Variants in RFC5 observed in about 807,000 individuals in gnomAD.
RFC5 encodes A1 36 kDa subunit.
A neutral mutation model predicts 44.3 loss-of-function variants in RFC5; 26 were observed. The ratio of observed to expected loss-of-function variants is 0.59; its 90% CI spans 0.43 to 0.81. The LOEUF (loss-of-function observed/expected upper bound fraction) is 0.81, where lower values mean the gene tolerates loss of function less well. Among genes scored for constraint, RFC5 ranks in the 40% least tolerant of loss-of-function variants. The pLI is 0.00. For missense variants in RFC5, 328 were observed against 418.6 expected (o/e 0.78, Z 1.89); for synonymous variants, 155 against 155.2 (o/e 1.00, Z 0.01).
chr12:118,034,531 C>CTGA (rs2031454908), downstream of RFC5: 1 of 725,076 alleles, frequency 1.4e-6, no homozygotes, highest in Non-Finnish European at 2.1e-6. Flanking sequence ...ATTAAAGCTG[C>CTGA]TGATAGGATT....
chr12:118,040,924 C>T, the RFC5 span, among the ~76,000 whole-genome samples: 2 of 152,268 alleles, frequency 1.3e-5, no homozygotes, highest in Non-Finnish European at 2.9e-5. Flanking sequence ...TGGCTTACGC[C>T]TGTAGTCCCA....
chr12:118,031,341 C>A lies in RFC5; in HGVS notation c.*63C>A. 2 of 1,094,704 alleles carry A rather than the reference C, an allele frequency of 1.8e-6. No homozygotes were observed. Among genetic ancestry groups the A allele is most frequent in the Non-Finnish European group, 2.8e-6 (2 of 726,956 alleles). The allele number at this position is 1,094,704 out of a possible 1,614,324, so 67.8% of individuals were successfully genotyped here. A position where few individuals can be genotyped will look rare whatever the true frequency, so the allele number is the denominator to read the frequency against. On this transcript the variant is annotated 3_prime_UTR_variant, in exon 11 of 11. Coordinates refer to ENST00000454402, the MANE Select transcript of RFC5 (RefSeq NM_007370.7). ...AGTGATGGGAGAACAGAGGACAGTT[C>A]CAGGATAAACTGCTGCCTGGGGCTG...
chr12:118,037,121 G>A (rs1255287618), downstream of RFC5, among the ~76,000 whole-genome samples: 3 of 152,170 alleles, frequency 2.0e-5, no homozygotes, highest in African/African-American at 7.2e-5. Context: ...GGTGGAGGTT[G>A]CAGTGACCTG....
At chr12:118,027,908 T>C (rs751900454) in intron 8 of RFC5, 45 bp from the exon 9 acceptor site, 1 of 1,211,232 alleles carries the variant, frequency 8.3e-7, no homozygotes, top group East Asian at 2.3e-5. Flanking sequence ...CTCTGCAGTA[T>C]GTTTGTTCTG....
At chr12:118,035,155 G>A, downstream of RFC5, 5 of 1,611,964 alleles carry the variant, frequency 3.1e-6, no homozygotes, top group Non-Finnish European at 4.2e-6. Flanking sequence ...AGAGGGCCTT[G>A]CTGCCATTAC....
At chr12:118,036,621 A>G (rs1214578921), downstream of RFC5, 2 of 1,144,108 alleles carry the variant, frequency 1.7e-6, no homozygotes, top group Non-Finnish European at 2.5e-6. Context: ...GCCAGGGCTG[A>G]TTCTCTATCC....
At chr12:118,029,127 A>G (rs775483262) in intron 9 of RFC5, among the ~76,000 whole-genome samples, 1 of 152,260 alleles carries the variant, frequency 6.6e-6, no homozygotes, top group Non-Finnish European at 1.5e-5. Flanking sequence ...CTTGGTTTTT[A>G]AATGGGGACA....
Position 118,016,728 on chromosome 12 carries a change from T to C in RFC5, c.-100T>C, listed in dbSNP as rs746469317. 2 of 963,344 alleles carry C rather than the reference T, an allele frequency of 2.1e-6. No individual in the cohort carries two copies. The highest frequency in any genetic ancestry group is 2.7e-5 in the East Asian group (1 of 37,006). 59.7% of individuals were successfully genotyped at this position (963,344 alleles called of 1,614,324 possible). ...GAGAGTTGCTTTTGCGCGCGAACTG[T>C]AAGTGCCAGGGTCTCAGGGTCAGGT... is the stretch of plus-strand genomic sequence containing the variant. On this transcript the variant is annotated 5_prime_UTR_variant, in exon 1 of 11. Coordinates refer to ENST00000454402, the MANE Select transcript of RFC5 (RefSeq NM_007370.7).
chr12:118,031,111 C>T (rs968537639), intron 10 of RFC5, 71 bp from the exon 11 acceptor site: 2 of 1,052,190 alleles, frequency 1.9e-6, no homozygotes, highest in Non-Finnish European at 2.9e-6. Flanking sequence ...AGCCCTAGAT[C>T]TCTTGGTCCC....
intron 1 of RFC5, chr12:118,018,126 A>T: frequency 1.5e-6 from 1 of 653,094 alleles, no homozygotes; most frequent in Non-Finnish European, 2.8e-6. Flanking sequence ...TTCAAGGTTC[A>T]TGCATGTTGC....
chr12:118,038,294 C>T, the RFC5 span: 2 of 1,613,068 alleles, frequency 1.2e-6, no homozygotes, highest in African/African-American at 1.3e-5. Context: ...TCACCGACTT[C>T]TCTCCAGCTG....
At chr12:118,036,230 A>G, downstream of RFC5, 2 of 1,341,108 alleles carry the variant, frequency 1.5e-6, no homozygotes, top group Non-Finnish European at 2.1e-6. Context: ...CTTTTTATCC[A>G]GCTTGTCCCC....
chr12:118,039,645 A>C, the RFC5 span, among the ~76,000 whole-genome samples: 2 of 152,224 alleles, frequency 1.3e-5, no homozygotes, highest in African/African-American at 4.8e-5. Context: ...GCAAGAAAGA[A>C]GAAAAAATAA....
Position 118,019,573 on chromosome 12 carries a change from A to G in RFC5, c.131-59A>G. On this transcript the variant is annotated intron_variant, in intron 2 of 10. Transcript: ENST00000454402. The surrounding 1 kb of genome is among the most constrained non-coding windows in gnomAD (Gnocchi z 4.2). Reference sequence around the variant, plus strand: ...AGCTTTCAGCCCAACTCAGGAGCCCAGGGTGAATGAGGCAGCTCCCAAAGA... The same window carrying G: ...AGCTTTCAGCCCAACTCAGGAGCCCGGGGTGAATGAGGCAGCTCCCAAAGA... 6.2e-7 allele frequency: 1 copy of G among 1,603,052 alleles called. No homozygotes were observed. Among genetic ancestry groups the G allele is most frequent in the Non-Finnish European group, 8.5e-7 (1 of 1,172,432 alleles).
At position 118,029,804 on chromosome 12, in the gene RFC5, T is replaced by A. The variant is rs372677906; in HGVS notation, c.905T>A (p.Leu302Ter). 32 of 1,610,054 alleles carry A rather than the reference T, an allele frequency of 2.0e-5. No individual in the cohort carries two copies. The highest frequency in any genetic ancestry group is 2.6e-5 in the Non-Finnish European group (31 of 1,176,394). ...CCATCTTCAGTTCGAATACATTTAT[T>A]GACCAAAATGGCAGACATTGAGTGA... ...DFPSSVRIHL[L>*]TKMADIEYRL... The change falls in exon 10 of 11, where the codon TTG (leucine) becomes TAG (stop). Residue 302 changes from leucine to a stop codon, truncating the protein, a stop_gained. Coordinates refer to ENST00000454402, the MANE Select transcript of RFC5 (RefSeq NM_007370.7). LOFTEE classifies it high-confidence loss of function.
At chr12:118,026,200 C>A (rs1433501351) in intron 7 of RFC5, among the ~76,000 whole-genome samples, 1 of 152,128 alleles carries the variant, frequency 6.6e-6, no homozygotes, top group African/African-American at 2.4e-5. Flanking sequence ...AAGACCTAAG[C>A]AAAGGCATGA....
At chr12:118,030,678 G>C (rs961966596) in intron 10 of RFC5, among the ~76,000 whole-genome samples, 1 of 152,090 alleles carries the variant, frequency 6.6e-6, no homozygotes, top group Non-Finnish European at 1.5e-5. Flanking sequence ...CCACTCTGTC[G>C]CCCAGGCTGG....
chr12:118,018,969 G>C (rs1403911394), intron 1 of RFC5, 103 bp from the exon 2 acceptor site: 1 of 862,474 alleles, frequency 1.2e-6, no homozygotes, highest in Middle Eastern at 3.4e-4. Flanking sequence ...AAAGTGCTGG[G>C]ATTACAGGCA....
intron 9 of RFC5, among the ~76,000 whole-genome samples, chr12:118,028,642 T>TAA (rs774341657): frequency 3.4e-4 from 46 of 136,076 alleles, no homozygotes; most frequent in South Asian, 9.3e-4. Context: ...TTCACATTTC[T>TAA]AAAAAAAAAA....
Sources: gnomAD v4.1 joint callset for allele counts (sites outside exome capture counted in the v4.1 genomes callset) on GRCh38, gnomAD v4.1.1 for gene constraint, Gnocchi (gnomAD v3.1) non-coding constraint, MANE v1.5 for transcripts, NCBI Gene and HGNC (gene_info 2026-07-23, HGNC 2026-07-21) for gene names.